DHRSX: variants seen among roughly 807,000 people sequenced by gnomAD.
The protein encoded by DHRSX is dehydrogenase/reductase X-linked, also known as polyprenol dehydrogenase.
Under a neutral mutation model 34.0 loss-of-function variants are expected in DHRSX, and 31 were observed. That is an observed-to-expected ratio of 0.91 (90% confidence interval 0.69 to 1.23). The LOEUF is 1.23. Among genes scored for constraint, DHRSX ranks in the 50% most tolerant of loss-of-function variants. The pLI is 0.00. For synonymous variants in DHRSX, 201 were observed against 183.8 expected (o/e 1.09, Z -0.76); for missense variants, 414 against 428.1 (o/e 0.97, Z 0.29).
intron 5 of DHRSX, among the ~76,000 whole-genome samples, chrX:2,249,906 G>A (rs1299402014): frequency 6.6e-6 from 1 of 151,698 alleles, no homozygotes; most frequent in Non-Finnish European, 1.5e-5. Context: ...GCTCACGTCT[G>A]TAATCCCAGG....
At chrX:2,326,355 T>C (rs2042385914) in intron 3 of DHRSX, among the ~76,000 whole-genome samples, 1 of 152,022 alleles carries the variant, frequency 6.6e-6, no homozygotes, top group Non-Finnish European at 1.5e-5. Context: ...AAACCCCGTC[T>C]CTACTAAAAA....
At chrX:2,303,148 C>A (rs1446084693) in intron 3 of DHRSX, among the ~76,000 whole-genome samples, 8 of 152,076 alleles carry the variant, frequency 5.3e-5, no homozygotes, top group Admixed American at 5.2e-4. Flanking sequence ...TTTAAAAAAA[C>A]TAGAAGATGC....
intron 1 of DHRSX, chrX:2,486,857 A>G (rs780070615): frequency 2.6e-5 from 4 of 152,350 alleles, no homozygotes; most frequent in East Asian, 1.9e-4. Flanking sequence ...GGACGTAAGG[A>G]TAACATTCTG....
Position 2,362,779 on chromosome X carries a change from T to C in DHRSX, c.286+45966A>G, listed in dbSNP as rs778650371. Among the ~76,000 whole-genome samples, 3 of 151,042 alleles carry C rather than the reference T, an allele frequency of 2.0e-5. No homozygotes were observed. In the South Asian group the frequency reaches 6.3e-4, roughly 32 times the overall value. On this transcript the variant is annotated intron_variant, in intron 3 of 6. Transcript: ENST00000334651. ...TCATGCCGCCATTTTATCACCGTTC[T>C]ATGGTATCATGCCGCCATTTTATCA...
At chrX:2,408,265 T>G (rs772007820) in intron 3 of DHRSX, among the ~76,000 whole-genome samples, 108 of 152,024 alleles carry the variant, frequency 7.1e-4, no homozygotes, top group Non-Finnish European at 1.3e-3. Context: ...TAGTAGAGAT[T>G]GGGTTTCACC....
chrX:2,243,279 T>C (rs1169002625), intron 5 of DHRSX, 49 bp from the exon 6 acceptor site: 1 of 1,537,198 alleles, frequency 6.5e-7, no homozygotes, highest in Admixed American at 1.7e-5. Context: ...CGTTCACGCC[T>C]AAGTGCTTCA....
intron 5 of DHRSX, among the ~76,000 whole-genome samples, chrX:2,246,754 G>GAAAA (rs1461498413): frequency 7.3e-6 from 1 of 136,944 alleles, no homozygotes. Flanking sequence ...GAAAGAAAAA[G>GAAAA]AAAGAAAATA....
At chrX:2,243,491 T>C (rs1333598000) in intron 5 of DHRSX, among the ~76,000 whole-genome samples, 1 of 152,042 alleles carries the variant, frequency 6.6e-6, no homozygotes, top group Non-Finnish European at 1.5e-5. Context: ...TATTTATTTA[T>C]TTATTTATTT....
intron 2 of DHRSX, among the ~76,000 whole-genome samples, chrX:2,416,468 C>T (rs1196879680): frequency 3.9e-5 from 6 of 152,170 alleles, no homozygotes; most frequent in South Asian, 2.1e-4. Context: ...CACCAATCTG[C>T]GGCTAAACCT....
Position 2,474,100 on chromosome X carries a change from T to C in DHRSX, c.109+26717A>G, listed in dbSNP as rs1031762549. Among the ~76,000 whole-genome samples the C allele has an allele frequency of 1.1e-3, 170 of 152,010 alleles. 2 individuals are homozygous for C. Among genetic ancestry groups the C allele is most frequent in the African/African-American group, 3.8e-3 (156 of 41,420 alleles). ...CCACATGAGAGTCAGAGACACCCAA[T>C]GAAGAAACAAAAGCAGCTTACAGGG... is the stretch of plus-strand genomic sequence containing the variant. On this transcript the variant is annotated intron_variant, in intron 1 of 6. Coordinates refer to ENST00000334651, the MANE Select transcript of DHRSX (RefSeq NM_145177.3).
chrX:2,291,384 T>C, intron 4 of DHRSX, 118 bp downstream of exon 4: 3 of 764,322 alleles, frequency 3.9e-6, no homozygotes, highest in Middle Eastern at 5.1e-4. Context: ...ATAGCAGGTA[T>C]GTTCAATAAT....
intron 3 of DHRSX, among the ~76,000 whole-genome samples, chrX:2,326,855 A>G (rs2042393230): frequency 6.6e-6 from 1 of 150,492 alleles, no homozygotes; most frequent in Admixed American, 6.6e-5. Flanking sequence ...CTTGTTGCCC[A>G]AGCTGGAGTA....
At chrX:2,405,004 C>G (rs2043534214) in intron 3 of DHRSX, among the ~76,000 whole-genome samples, 1 of 152,164 alleles carries the variant, frequency 6.6e-6, no homozygotes, top group Admixed American at 6.5e-5. Flanking sequence ...AGCGGGAGCC[C>G]CTGTGGGAGT....
At chrX:2,355,589 AC>A (rs1480569117) in intron 3 of DHRSX, among the ~76,000 whole-genome samples, 2 of 149,916 alleles carry the variant, frequency 1.3e-5, no homozygotes, top group African/African-American at 2.4e-5. Flanking sequence ...TTACTTTTGC[AC>A]CAACCTAATA....
chrX:2,454,248 C>T (rs1455755353), intron 1 of DHRSX, among the ~76,000 whole-genome samples: 1 of 152,022 alleles, frequency 6.6e-6, no homozygotes, highest in Non-Finnish European at 1.5e-5. Flanking sequence ...CACACTGGGC[C>T]GGGCGCTGTG....
At chrX:2,299,441 C>A (rs756618110) in intron 3 of DHRSX, among the ~76,000 whole-genome samples, 1 of 152,282 alleles carries the variant, frequency 6.6e-6, no homozygotes, top group Non-Finnish European at 1.5e-5. Flanking sequence ...ACACCACACC[C>A]TCCAATGCAG....
chrX:2,288,785 G>A (rs2041834638), intron 4 of DHRSX, among the ~76,000 whole-genome samples: 1 of 152,184 alleles, frequency 6.6e-6, no homozygotes, highest in Non-Finnish European at 1.5e-5. Flanking sequence ...AAGAGATAGG[G>A]TACAGAGACA....
At chrX:2,492,116 GAA>G (rs949688324) in intron 1 of DHRSX, among the ~76,000 whole-genome samples, 16 of 152,224 alleles carry the variant, frequency 1.1e-4, no homozygotes, top group African/African-American at 3.9e-4. Flanking sequence ...ATAGTGGGTT[GAA>G]AAGCGTCCTC....
chrX:2,494,380 G>T (rs2045231313), intron 1 of DHRSX, among the ~76,000 whole-genome samples: 1 of 151,724 alleles, frequency 6.6e-6, no homozygotes, highest in Non-Finnish European at 1.5e-5. Flanking sequence ...TGGAGCAAAG[G>T]TTTTTATTCT....
Sources: gnomAD v4.1 joint callset for allele counts (sites outside exome capture counted in the v4.1 genomes callset) on GRCh38, gnomAD v4.1.1 for gene constraint, MANE v1.5 for transcripts, NCBI Gene and HGNC (gene_info 2026-07-23, HGNC 2026-07-21) for gene names.